The following KCNQ5 variants were observed in gnomAD, a reference collection of about 807,000 sequenced individuals.
KCNQ5 encodes potassium voltage-gated channel subfamily Q member 5.
In KCNQ5, 30 loss-of-function variants were observed where a neutral mutation model predicts 98.2. The ratio of observed to expected loss-of-function variants is 0.31; its 90% CI spans 0.23 to 0.41. KCNQ5 has a LOEUF of 0.41. Ranked by LOEUF, KCNQ5 falls within the 10% of genes least tolerant of loss-of-function variation. KCNQ5 has a pLI of 1.00. For synonymous variants in KCNQ5, 458 were observed against 449.4 expected (o/e 1.02, Z -0.24); for missense variants, 835 against 1,182.5 (o/e 0.71, Z 4.31).
chr6:72,808,365 T>A (rs1775058231), intron 1 of KCNQ5, among the ~76,000 whole-genome samples: 1 of 152,072 alleles, frequency 6.6e-6, no homozygotes, highest in Non-Finnish European at 1.5e-5. Context: ...TTTTGTATGG[T>A]CTGGAATATT....
At chr6:72,965,394 C>T (rs1443555668) in intron 1 of KCNQ5, among the ~76,000 whole-genome samples, 1 of 152,196 alleles carries the variant, frequency 6.6e-6, no homozygotes, top group Non-Finnish European at 1.5e-5. Context: ...GGACTTAGTC[C>T]TGTATATCCC....
rs2098915409 is a variant in KCNQ5 at position 72,622,086 on chromosome 6, C to A, written c.-104C>A. 3 of 1,036,890 alleles carry A rather than the reference C, an allele frequency of 2.9e-6. No homozygotes were observed. The highest frequency in any genetic ancestry group is 9.9e-5 in the South Asian group (2 of 20,208). 64.2% of individuals were successfully genotyped at this position (1,036,890 alleles called of 1,614,324 possible). A position where few individuals can be genotyped will look rare whatever the true frequency, so the allele number is the denominator to read the frequency against. The stretch of plus-strand genomic sequence containing the variant: ...CTCAGAGGTCTCTGGCTGGCGGGCG[C>A]CCCGTCGGCCGCCGGCTTCCTCCTT... On this transcript the variant is annotated 5_prime_UTR_variant, in exon 1 of 14. Transcript: ENST00000370398. This position sits in a 1 kb window ranked among gnomAD's most constrained non-coding sequence, Gnocchi z 6.0.
At chr6:72,956,559 T>TTTTTTTA (rs1312659194) in intron 1 of KCNQ5, among the ~76,000 whole-genome samples, 1 of 150,266 alleles carries the variant, frequency 6.7e-6, no homozygotes, top group East Asian at 1.9e-4. Context: ...ATTTTTTTTA[T>TTTTTTTA]TTTTTTATTT....
chr6:72,854,513 T>A (rs1777435635), intron 1 of KCNQ5, among the ~76,000 whole-genome samples: 1 of 151,846 alleles, frequency 6.6e-6, no homozygotes, highest in African/African-American at 2.4e-5. Context: ...CTGAAATTTT[T>A]AAAAATAATC....
rs548085181 is a variant in KCNQ5, at chr6:73,100,402, C to T, written c.919-4855C>T. On this transcript the variant is annotated intron_variant, in intron 5 of 13. Coordinates refer to ENST00000370398, the MANE Select transcript of KCNQ5 (RefSeq NM_019842.4). ...ATTAACAAGGCCAGGCACTGTGGCT[C>T]ACGCCTGTAATCCCAGCACTTTGGG... Among the ~76,000 whole-genome samples the T allele has an allele frequency of 1.2e-3, 177 of 152,292 alleles. 1 individual carries two copies. The highest frequency in any genetic ancestry group is 4.0e-3 in the African/African-American group (168 of 41,572).
chr6:73,034,380 A>G (rs1489255772), intron 2 of KCNQ5, among the ~76,000 whole-genome samples: 3 of 152,224 alleles, frequency 2.0e-5, no homozygotes, highest in Admixed American at 6.5e-5. Flanking sequence ...CTAATTAGCC[A>G]CAGCTCTTCA....
intron 3 of KCNQ5, among the ~76,000 whole-genome samples, chr6:73,075,947 A>G (rs1399881807): frequency 6.6e-6 from 1 of 152,216 alleles, no homozygotes; most frequent in Admixed American, 6.5e-5. Flanking sequence ...TGGGAGGCTG[A>G]GGTGGGACAC....
Position 73,194,496 on chromosome 6 carries a change from T to C in KCNQ5, c.1881T>C (p.Tyr627=). The C allele has an allele frequency of 6.2e-7, 1 of 1,614,152 alleles. No individual in the cohort carries two copies. Among genetic ancestry groups the C allele is most frequent in the African/African-American group, 1.3e-5 (1 of 75,052 alleles). The part of the protein sequence containing the change: ...ESKLDCLLDI[Y]QQVLRKGSAS... ...AGCTGGACTGCCTACTAGACATCTA[T>C]CAACAGGTCCTTCGGAAAGGCTCTG... Residue 627 remains tyrosine, a synonymous_variant, in exon 14 of 14, where the codon TAT becomes TAC. Transcript: ENST00000370398.
chr6:72,622,613 C>G lies in KCNQ5; in HGVS notation c.398+26C>G. 4 of 1,609,770 alleles carry G rather than the reference C, an allele frequency of 2.5e-6. No homozygotes were observed. Among genetic ancestry groups the G allele is most frequent in the South Asian group, 1.1e-5 (1 of 90,646 alleles). On this transcript the variant is annotated intron_variant, in intron 1 of 13. Coordinates refer to ENST00000370398, the MANE Select transcript of KCNQ5 (RefSeq NM_019842.4). The surrounding 1 kb of genome is among the most constrained non-coding windows in gnomAD (Gnocchi z 6.0). ...GTGAGTACCCGCGCCCCCTGCTATG[C>G]CCGCTGCAGGGGACCACTGTCCCTG...
intron 3 of KCNQ5, among the ~76,000 whole-genome samples, chr6:73,069,586 C>G (rs938637137): frequency 3.3e-5 from 5 of 151,946 alleles, no homozygotes; most frequent in Non-Finnish European, 5.9e-5. Context: ...AAGAGACCAG[C>G]AAGTAAACAG....
At chr6:72,877,840 C>T (rs1023884113) in intron 1 of KCNQ5, among the ~76,000 whole-genome samples, 3 of 152,226 alleles carry the variant, frequency 2.0e-5, no homozygotes, top group Non-Finnish European at 4.4e-5. Flanking sequence ...TTCATATGTT[C>T]ATTGGCCGCA....
intron 1 of KCNQ5, among the ~76,000 whole-genome samples, chr6:72,635,523 C>G (rs1197675896): frequency 6.6e-6 from 1 of 151,942 alleles, no homozygotes; most frequent in Non-Finnish European, 1.5e-5. Flanking sequence ...AATAAATACT[C>G]ATTTTCTTTA....
chr6:72,638,060 A>T (rs757248991), intron 1 of KCNQ5, among the ~76,000 whole-genome samples: 3 of 152,188 alleles, frequency 2.0e-5, no homozygotes, highest in Non-Finnish European at 4.4e-5. Context: ...GTGCACTGAG[A>T]TCGTCCTGCA....
At chr6:72,975,233 A>G (rs1768104184) in intron 1 of KCNQ5, among the ~76,000 whole-genome samples, 1 of 151,778 alleles carries the variant, frequency 6.6e-6, no homozygotes, top group Non-Finnish European at 1.5e-5. Flanking sequence ...AAAATCATCA[A>G]CTTCAATTTT....
At chr6:72,942,015 A>G (rs1342176948) in intron 1 of KCNQ5, among the ~76,000 whole-genome samples, 2 of 152,146 alleles carry the variant, frequency 1.3e-5, no homozygotes, top group Admixed American at 6.5e-5. Flanking sequence ...TACCCAACCC[A>G]TAAGTGGGGA....
chr6:73,089,650 A>C (rs2350365), intron 5 of KCNQ5, among the ~76,000 whole-genome samples: 132,708 of 152,168 alleles, frequency 0.87, 58,587 homozygotes, highest in South Asian at 0.96. Context: ...TATGAGTGAG[A>C]ACATAGGATG....
intron 5 of KCNQ5, among the ~76,000 whole-genome samples, chr6:73,092,365 T>A (rs1353073237): frequency 6.6e-6 from 1 of 152,190 alleles, no homozygotes; most frequent in African/African-American, 2.4e-5. Flanking sequence ...TTGGATGCCC[T>A]TTATTTCTTC....
chr6:72,891,495 A>G (rs748458325), intron 1 of KCNQ5, among the ~76,000 whole-genome samples: 7 of 152,204 alleles, frequency 4.6e-5, no homozygotes, highest in African/African-American at 7.2e-5. Context: ...ACTATTAACC[A>G]TGGCTAAAAA....
rs115632081 is a variant in KCNQ5, at chr6:72,912,746, G to C, written c.399-91162G>C. 2.1e-3 allele frequency among the ~76,000 whole-genome samples: 325 copies of C among 152,242 alleles called. 1 individual carries two copies. Among genetic ancestry groups the C allele is most frequent in the African/African-American group, 7.5e-3 (311 of 41,544 alleles). ...CATGACCGTTGTATCAAATAAAAAAGTTCTCCAATGCTATCTTTGTTGTAT... is the reference window on the plus strand; with the variant it reads ...CATGACCGTTGTATCAAATAAAAAACTTCTCCAATGCTATCTTTGTTGTAT... On this transcript the variant is annotated intron_variant, in intron 1 of 13. Transcript: ENST00000370398.
Sources: gnomAD v4.1 joint callset for allele counts (sites outside exome capture counted in the v4.1 genomes callset) on GRCh38, gnomAD v4.1.1 for gene constraint, Gnocchi (gnomAD v3.1) non-coding constraint, MANE v1.5 for transcripts, NCBI Gene and HGNC (gene_info 2026-07-23, HGNC 2026-07-21) for gene names.